AFG1L: variants seen among roughly 807,000 people sequenced by gnomAD.
AFG1L encodes AFG1-like ATPase.
In AFG1L, 53 loss-of-function variants were observed where a neutral mutation model predicts 62.2. The observed-to-expected ratio is 0.85, with a 90% CI of 0.68 to 1.07. AFG1L has a LOEUF of 1.07. Among genes scored for constraint, AFG1L ranks in the 50% least tolerant of loss-of-function variants. The pLI, the probability that AFG1L is intolerant of heterozygous loss-of-function variation, is 0.00. For synonymous variants in AFG1L, 228 were observed against 210.3 expected (o/e 1.08, Z -0.73); for missense variants, 555 against 590.5 (o/e 0.94, Z 0.62).
chr6:108,310,406 A>G (rs527672304), intron 1 of AFG1L, among the ~76,000 whole-genome samples: 3 of 152,220 alleles, frequency 2.0e-5, no homozygotes, highest in South Asian at 4.1e-4. Flanking sequence ...TTGACCATTT[A>G]TATATCTTTG....
chr6:108,406,885 G>A (rs1321879587), intron 7 of AFG1L, among the ~76,000 whole-genome samples: 5 of 152,166 alleles, frequency 3.3e-5, no homozygotes, highest in African/African-American at 1.2e-4. Context: ...GGCACTGCTT[G>A]CTTCCTTTAC....
chr6:108,454,723 G>T (rs984002420), intron 8 of AFG1L, among the ~76,000 whole-genome samples: 4 of 152,138 alleles, frequency 2.6e-5, no homozygotes, highest in African/African-American at 9.7e-5. Flanking sequence ...TGAGATCTCA[G>T]CTCACTGCAA....
chr6:108,422,477 CAAAA>C (rs539232525), intron 7 of AFG1L, among the ~76,000 whole-genome samples: 2,017 of 45,914 alleles, frequency 0.044, 68 homozygotes, highest in African/African-American at 0.19. Context: ...TAGTCCTCAG[CAAAA>C]AAAAAAAAAA....
At position 108,415,552 on chromosome 6, in the gene AFG1L, G is replaced by A. The variant is rs141792788; in HGVS notation, c.807+13498G>A. Among the ~76,000 whole-genome samples, 1,420 of 152,268 alleles carry A rather than the reference G, an allele frequency of 9.3e-3. 12 individuals carry two copies. Among genetic ancestry groups the A allele is most frequent in the Non-Finnish European group, 0.014 (980 of 68,030 alleles). On this transcript the variant is annotated intron_variant, in intron 7 of 12. Transcript: ENST00000368977. Reference sequence around the variant, plus strand: ...AAGGCTACAGTAACCAAAACAGCATGGTGCTGGTACCAAAACAGATATACA... The same window carrying A: ...AAGGCTACAGTAACCAAAACAGCATAGTGCTGGTACCAAAACAGATATACA...
At chr6:108,314,399 T>C (rs111840164) in intron 1 of AFG1L, among the ~76,000 whole-genome samples, 4,348 of 150,588 alleles carry the variant, frequency 0.029, 194 homozygotes, top group African/African-American at 0.1. Context: ...GCTTCTTCTT[T>C]TTTTTTTTTT....
intron 2 of AFG1L, among the ~76,000 whole-genome samples, chr6:108,334,694 C>T (rs1778412125): frequency 6.6e-6 from 1 of 152,098 alleles, no homozygotes; most frequent in Non-Finnish European, 1.5e-5. Context: ...TAAATCTGAT[C>T]ACACTCTTCT....
chr6:108,375,751 T>G (rs1320209904), intron 6 of AFG1L, among the ~76,000 whole-genome samples: 1 of 152,044 alleles, frequency 6.6e-6, no homozygotes, highest in Non-Finnish European at 1.5e-5. Context: ...AGGATTTTGG[T>G]ATCTGTGCCC....
At chr6:108,349,983 G>T (rs1027604432) in intron 3 of AFG1L, among the ~76,000 whole-genome samples, 1 of 151,864 alleles carries the variant, frequency 6.6e-6, no homozygotes, top group Non-Finnish European at 1.5e-5. Context: ...AGCAACTTTG[G>T]GGGGCTGAGG....
At chr6:108,443,258 G>T (rs1006198006) in intron 7 of AFG1L, among the ~76,000 whole-genome samples, 1 of 129,574 alleles carries the variant, frequency 7.7e-6, no homozygotes, top group Non-Finnish European at 1.8e-5. Flanking sequence ...CCTCTCCAGG[G>T]CCTCCTCTCT....
intron 2 of AFG1L, among the ~76,000 whole-genome samples, chr6:108,328,587 G>A (rs1213991411): frequency 6.6e-6 from 1 of 151,160 alleles, no homozygotes; most frequent in African/African-American, 2.4e-5. Context: ...TTTTTTAATA[G>A]AGATGGGGTT....
At chr6:108,508,574 C>T (rs968619621) in intron 10 of AFG1L, among the ~76,000 whole-genome samples, 2 of 152,136 alleles carry the variant, frequency 1.3e-5, no homozygotes, top group African/African-American at 4.8e-5. Flanking sequence ...TGGTTTTGTG[C>T]CCATTGCCTA....
chr6:108,331,280 T>G (rs897048102), intron 2 of AFG1L, among the ~76,000 whole-genome samples: 1 of 152,172 alleles, frequency 6.6e-6, no homozygotes, highest in Non-Finnish European at 1.5e-5. Context: ...AGAGAGACTA[T>G]CTCAAAAAAC....
intron 1 of AFG1L, among the ~76,000 whole-genome samples, chr6:108,299,189 C>T (rs913369160): frequency 7.3e-5 from 11 of 150,822 alleles, no homozygotes; most frequent in African/African-American, 1.9e-4. Flanking sequence ...TGAACCCAGG[C>T]GGCGGAGGTT....
At chr6:108,508,231 C>T (rs989074560) in intron 10 of AFG1L, among the ~76,000 whole-genome samples, 2 of 152,000 alleles carry the variant, frequency 1.3e-5, no homozygotes, top group African/African-American at 4.8e-5. Context: ...TCACTCCCAC[C>T]TTCTCTATTA....
chr6:108,336,572 T>C (rs1275383818), intron 2 of AFG1L, among the ~76,000 whole-genome samples: 1 of 152,194 alleles, frequency 6.6e-6, no homozygotes, highest in Non-Finnish European at 1.5e-5. Context: ...ATGACATACA[T>C]TCTTTTAGTT....
chr6:108,368,503 T>C lies in AFG1L; in HGVS notation c.748+2171T>C, dbSNP rs79557506. On this transcript the variant is annotated intron_variant, in intron 6 of 12. Coordinates refer to ENST00000368977, the MANE Select transcript of AFG1L (RefSeq NM_145315.5). Reference sequence around the variant, plus strand: ...TTATGAGTGATTTTGCAGATGTACTTATTAAAATCCATATAATGTTATATA... The same window carrying C: ...TTATGAGTGATTTTGCAGATGTACTCATTAAAATCCATATAATGTTATATA... Among the ~76,000 whole-genome samples the C allele has an allele frequency of 3.1e-3, 478 of 152,318 alleles. 21 individuals carry two copies. In the East Asian group the frequency reaches 0.085, roughly 27 times the overall value.
In AFG1L at chr6:108,525,489, G is replaced by A. The variant is rs1775289376; in HGVS notation, c.*3064G>A. ...TTCCTGTACTTATAAGTGTGCAAATGACATAATTTTAAAATTAGTTGGAAT... is the reference window on the plus strand; with the variant it reads ...TTCCTGTACTTATAAGTGTGCAAATAACATAATTTTAAAATTAGTTGGAAT... On this transcript the variant is annotated 3_prime_UTR_variant, in exon 13 of 13. Coordinates refer to ENST00000368977, the MANE Select transcript of AFG1L (RefSeq NM_145315.5). The A allele has an allele frequency of 6.6e-6, 1 of 152,060 alleles. No homozygotes were observed. Among genetic ancestry groups the A allele is most frequent in the East Asian group, 1.9e-4 (1 of 5,196 alleles). The allele number at this position is 152,060 out of a possible 1,614,324, so 9.4% of individuals were successfully genotyped here.
intron 10 of AFG1L, among the ~76,000 whole-genome samples, chr6:108,499,763 C>A (rs892140462): frequency 6.6e-6 from 1 of 151,548 alleles, no homozygotes; most frequent in Non-Finnish European, 1.5e-5. Context: ...TCCCCATCAC[C>A]CCCAAAAAAA....
At chr6:108,396,951 T>A (rs903105345) in intron 6 of AFG1L, among the ~76,000 whole-genome samples, 2 of 152,250 alleles carry the variant, frequency 1.3e-5, no homozygotes, top group African/African-American at 4.8e-5. Flanking sequence ...TTATTTTAAA[T>A]GTACAATTAA....
Sources: gnomAD v4.1 joint callset for allele counts (sites outside exome capture counted in the v4.1 genomes callset) on GRCh38, gnomAD v4.1.1 for gene constraint, MANE v1.5 for transcripts, NCBI Gene and HGNC (gene_info 2026-07-23, HGNC 2026-07-21) for gene names.